Variants in APBB2 observed in about 807,000 individuals in gnomAD.
APBB2 encodes the protein amyloid beta precursor protein binding family B member 2.
In APBB2, 38 loss-of-function variants were observed where a neutral mutation model predicts 82.5. The ratio of observed to expected loss-of-function variants is 0.46; its 90% CI spans 0.36 to 0.60. The LOEUF (loss-of-function observed/expected upper bound fraction) is 0.60, where lower values mean the gene tolerates loss of function less well. Among genes scored for constraint, APBB2 ranks in the 20% least tolerant of loss-of-function variants. The pLI is 0.00. For missense variants in APBB2, 772 were observed against 972.3 expected, an observed-to-expected ratio of 0.79 and a Z score of 2.74; for synonymous variants, 341 against 368.2, an observed-to-expected ratio of 0.93 and a Z score of 0.85.
In APBB2 at chr4:40,984,603, G is replaced by A. The variant is rs146875932; in HGVS notation, c.835+28980C>T. Among the ~76,000 whole-genome samples, 493 of 152,242 alleles carry A rather than the reference G, an allele frequency of 3.2e-3. 3 individuals are homozygous for A. The highest frequency in any genetic ancestry group is 0.011 in the African/African-American group (468 of 41,532). On this transcript the variant is annotated intron_variant, in intron 6 of 17. Transcript: ENST00000508593. ...ATGGTTTTCTGGTTCACCATGGAGT[G>A]ATAAGCGTTCTTCTAGAGCTATCTA... is the stretch of plus-strand genomic sequence containing the variant.
chr4:40,860,329 G>A (rs988776257), intron 12 of APBB2, among the ~76,000 whole-genome samples: 2 of 152,156 alleles, frequency 1.3e-5, no homozygotes, highest in Non-Finnish European at 2.9e-5. Context: ...GGAGGGACTC[G>A]AGACTGAGAT....
At chr4:41,165,337 C>T (rs896523020) in intron 1 of APBB2, among the ~76,000 whole-genome samples, 1 of 152,310 alleles carries the variant, frequency 6.6e-6, no homozygotes, top group East Asian at 1.9e-4. Flanking sequence ...TACTCTCACA[C>T]GAACTACCCA....
intron 1 of APBB2, among the ~76,000 whole-genome samples, chr4:41,188,226 G>A (rs1351367754): frequency 6.6e-6 from 1 of 152,166 alleles, no homozygotes; most frequent in African/African-American, 2.4e-5. Flanking sequence ...GAAGACATCT[G>A]GGGACTGAAA....
chr4:41,083,726 A>G lies in APBB2; in HGVS notation c.-149+16913T>C, dbSNP rs576375936. Among the ~76,000 whole-genome samples, 12 of 143,740 alleles carry G rather than the reference A, an allele frequency of 8.3e-5. No individual in the cohort carries two copies. The East Asian group carries it at 1.9e-3, about 22-fold the overall frequency. The allele number at this position is 143,740 out of a possible 152,430, so 94.3% of individuals were successfully genotyped here. ...AAAAAAAAAAAAAAGTTTCATTGCCATTTATAGGTCCTGTTGTAAAGGTAG... is the reference window on the plus strand; with the variant it reads ...AAAAAAAAAAAAAAGTTTCATTGCCGTTTATAGGTCCTGTTGTAAAGGTAG... On this transcript the variant is annotated intron_variant, in intron 3 of 17. Coordinates refer to ENST00000508593, the MANE Select transcript of APBB2 (RefSeq NM_004307.2).
intron 6 of APBB2, among the ~76,000 whole-genome samples, chr4:40,985,318 AATCT>A (rs1560457891): frequency 4.6e-5 from 7 of 152,294 alleles, no homozygotes; most frequent in African/African-American, 9.6e-5. Flanking sequence ...ATAAAATTTC[AATCT>A]ATCTATTTAA....
At chr4:41,001,965 G>A (rs1805377711) in intron 6 of APBB2, among the ~76,000 whole-genome samples, 1 of 152,024 alleles carries the variant, frequency 6.6e-6, no homozygotes, top group Non-Finnish European at 1.5e-5. Context: ...AACACCAATG[G>A]CTGGGGTCAT....
intron 4 of APBB2, among the ~76,000 whole-genome samples, chr4:41,053,105 T>C (rs188940592): frequency 6.6e-6 from 1 of 152,316 alleles, no homozygotes; most frequent in Non-Finnish European, 1.5e-5. Context: ...ATAGGGTAAC[T>C]GCACATATTT....
chr4:41,131,562 G>T (rs568899148), intron 2 of APBB2, among the ~76,000 whole-genome samples: 56 of 152,124 alleles, frequency 3.7e-4, no homozygotes, highest in Non-Finnish European at 6.8e-4. Flanking sequence ...GAAATATAGG[G>T]GTTATGATTC....
chr4:40,928,429 A>C (rs867740018), intron 10 of APBB2, among the ~76,000 whole-genome samples: 15 of 10,976 alleles, frequency 1.4e-3, no homozygotes, highest in Admixed American at 9.0e-3. Flanking sequence ...CACACACACA[A>C]TCAGCCAGGT....
chr4:41,167,654 G>C (rs948653252), intron 1 of APBB2, among the ~76,000 whole-genome samples: 3 of 152,208 alleles, frequency 2.0e-5, no homozygotes, highest in African/African-American at 7.2e-5. Flanking sequence ...TGGATTCAGA[G>C]AGCCACCAGC....
chr4:40,819,413 T>C (rs1186389918), intron 17 of APBB2, among the ~76,000 whole-genome samples: 1 of 151,982 alleles, frequency 6.6e-6, no homozygotes, highest in African/African-American at 2.4e-5. Flanking sequence ...CTCAACCTCC[T>C]GACCTCAAGT....
chr4:41,051,424 A>G lies in APBB2; in HGVS notation c.-51+14152T>C, dbSNP rs186671713. On this transcript the variant is annotated intron_variant, in intron 4 of 17. Coordinates refer to ENST00000508593, the MANE Select transcript of APBB2 (RefSeq NM_004307.2). Reference sequence around the variant, plus strand: ...TTAAGAACCACTGCACTAGTTGGTCACAAAGTAGGAAAACAGGGCTCTGTA... The same window carrying G: ...TTAAGAACCACTGCACTAGTTGGTCGCAAAGTAGGAAAACAGGGCTCTGTA... Among the ~76,000 whole-genome samples the G allele has an allele frequency of 1.4e-4, 22 of 152,344 alleles. No individual in the cohort carries two copies. The East Asian group carries it at 4.2e-3, about 29-fold the overall frequency.
intron 6 of APBB2, among the ~76,000 whole-genome samples, chr4:40,948,309 C>A (rs1328369778): frequency 1.3e-5 from 2 of 152,166 alleles, no homozygotes; most frequent in Non-Finnish European, 2.9e-5. Context: ...TTAGGCTGGA[C>A]GCAGTGGTTC....
At chr4:41,032,626 A>G (rs1235081155) in intron 5 of APBB2, among the ~76,000 whole-genome samples, 1 of 152,114 alleles carries the variant, frequency 6.6e-6, no homozygotes, top group Non-Finnish European at 1.5e-5. Context: ...GTAATGTACA[A>G]TGCTAGATGG....
At chr4:40,855,640 G>A (rs1309839732) in intron 12 of APBB2, among the ~76,000 whole-genome samples, 1 of 152,100 alleles carries the variant, frequency 6.6e-6, no homozygotes, top group Non-Finnish European at 1.5e-5. Context: ...GGAGGCTGAG[G>A]CAGGAGAATC....
chr4:40,954,496 G>A (rs1048636281), intron 6 of APBB2, among the ~76,000 whole-genome samples: 2 of 152,094 alleles, frequency 1.3e-5, no homozygotes, highest in African/African-American at 4.8e-5. Context: ...ATGGGGAACT[G>A]CACACCCGGC....
chr4:40,987,148 CTT>C (rs1800618738), intron 6 of APBB2, among the ~76,000 whole-genome samples: 1 of 152,130 alleles, frequency 6.6e-6, no homozygotes, highest in South Asian at 2.1e-4. Flanking sequence ...AATTTTAACT[CTT>C]TTCCACAGCT....
intron 2 of APBB2, among the ~76,000 whole-genome samples, chr4:41,134,574 C>T (rs1019038292): frequency 3.3e-5 from 5 of 152,032 alleles, no homozygotes; most frequent in African/African-American, 9.7e-5. Context: ...CATGGAGTTT[C>T]GGAACATCTG....
chr4:40,830,211 C>CACACACACACACACACACATATATAT (rs1292292234), intron 13 of APBB2, among the ~76,000 whole-genome samples: 4 of 149,550 alleles, frequency 2.7e-5, no homozygotes, highest in African/African-American at 9.8e-5. Context: ...CACACACACA[C>CACACACACACACACACACATATATAT]ATATATATAT....
Sources: allele counts gnomAD v4.1 joint callset (sites outside exome capture counted in the v4.1 genomes callset), GRCh38; gene constraint gnomAD v4.1.1; transcripts MANE v1.5; gene names NCBI Gene and HGNC (gene_info 2026-07-23, HGNC 2026-07-21).